The following DSCAM variants were observed in gnomAD, a reference collection of about 807,000 sequenced individuals.
The protein encoded by DSCAM is cell adhesion molecule DSCAM.
In DSCAM, 47 loss-of-function variants were observed where a neutral mutation model predicts 217.7. The ratio of observed to expected loss-of-function variants is 0.22; its 90% CI spans 0.17 to 0.28. The LOEUF is 0.28. Ranked by LOEUF, DSCAM falls within the 10% of genes least tolerant of loss-of-function variation. DSCAM has a pLI of 1.00. For missense variants in DSCAM, 2,080 were observed against 2,618.3 expected, an observed-to-expected ratio of 0.79 and a Z score of 4.49; for synonymous variants, 1,056 against 1,015.3, an observed-to-expected ratio of 1.04 and a Z score of -0.76.
rs58427418 is a variant in DSCAM at position 40,525,009 on chromosome 21, C to CAAAAAAAAAAAAAAA, written c.509-155779_509-155765dup. ...TGGGCAACAGAGTGAGACTCAGTCTCAAAAAAAAAAAAAAAAAAAAAATCC... is the reference window on the plus strand; with the variant it reads ...TGGGCAACAGAGTGAGACTCAGTCTCAAAAAAAAAAAAAAAAAAAAAAAAAAAAAAAAAAAAATCC... On this transcript the variant is annotated intron_variant, in intron 3 of 32. Coordinates refer to ENST00000400454, the MANE Select transcript of DSCAM (RefSeq NM_001389.5). Among the ~76,000 whole-genome samples the CAAAAAAAAAAAAAAA allele has an allele frequency of 6.7e-3, 373 of 56,016 alleles. 17 individuals are homozygous for CAAAAAAAAAAAAAAA. The highest frequency in any genetic ancestry group is 0.022 in the South Asian group (29 of 1,302). The allele number at this position is 56,016 out of a possible 152,430, so 36.7% of individuals were successfully genotyped here. A position where few individuals can be genotyped will look rare whatever the true frequency, so the allele number is the denominator to read the frequency against.
At chr21:40,602,314 G>T (rs1334738756) in intron 3 of DSCAM, among the ~76,000 whole-genome samples, 1 of 152,156 alleles carries the variant, frequency 6.6e-6, no homozygotes, top group Non-Finnish European at 1.5e-5. Context: ...GCCCGCTGCG[G>T]CTTCTCAAAG....
intron 11 of DSCAM, among the ~76,000 whole-genome samples, chr21:40,216,731 C>A (rs928174044): frequency 6.6e-6 from 1 of 152,208 alleles, no homozygotes; most frequent in Admixed American, 6.5e-5. Context: ...ACAGGTAACA[C>A]CCAGCAGTAA....
chr21:40,176,229 G>A (rs901371061), intron 15 of DSCAM, among the ~76,000 whole-genome samples: 14 of 152,156 alleles, frequency 9.2e-5, no homozygotes, highest in African/African-American at 3.4e-4. Flanking sequence ...AGGGGAAGAA[G>A]CACAACAATA....
intron 3 of DSCAM, among the ~76,000 whole-genome samples, chr21:40,609,390 G>C (rs2089283678): frequency 6.6e-6 from 1 of 152,190 alleles, no homozygotes; most frequent in African/African-American, 2.4e-5. Flanking sequence ...CATAAAATTT[G>C]TACTGGAGCA....
chr21:40,024,128 C>G lies in DSCAM; in HGVS notation c.5687-10742G>C, dbSNP rs2088329553. On this transcript the variant is annotated intron_variant, in intron 32 of 32. Transcript: ENST00000400454. ...CAGCACCATTTATTAAATAGGGAAT[C>G]CTTTCCCCATTGCTTGTTTTTTCTC... Among the ~76,000 whole-genome samples the G allele has an allele frequency of 2.7e-5, 2 of 73,826 alleles. 1 individual carries two copies. The highest frequency in any genetic ancestry group is 1.1e-4 in the African/African-American group (2 of 18,838). The allele number at this position is 73,826 out of a possible 152,430, so 48.4% of individuals were successfully genotyped here.
chr21:40,725,967 A>T (rs898673886), intron 1 of DSCAM, among the ~76,000 whole-genome samples: 5 of 152,338 alleles, frequency 3.3e-5, no homozygotes, highest in Admixed American at 2.6e-4. Flanking sequence ...TTGCAAACTC[A>T]GAAAGAACAT....
At chr21:40,132,086 TTC>T (rs1447625072) in intron 19 of DSCAM, among the ~76,000 whole-genome samples, 5 of 152,226 alleles carry the variant, frequency 3.3e-5, no homozygotes, top group African/African-American at 9.6e-5. Context: ...TAAATAATAA[TTC>T]CAGTGACATT....
At chr21:40,734,585 A>C (rs1191811542) in intron 1 of DSCAM, among the ~76,000 whole-genome samples, 1 of 152,212 alleles carries the variant, frequency 6.6e-6, no homozygotes, top group Non-Finnish European at 1.5e-5. Context: ...GGTGAGCCTC[A>C]ATCTGCTTCT....
At chr21:40,231,242 G>A (rs1041787530) in intron 11 of DSCAM, among the ~76,000 whole-genome samples, 64 of 151,666 alleles carry the variant, frequency 4.2e-4, no homozygotes, top group African/African-American at 1.5e-3. Context: ...GAAAGTGTGA[G>A]GACGACCCCA....
intron 1 of DSCAM, among the ~76,000 whole-genome samples, chr21:40,713,425 T>C (rs2090804918): frequency 6.6e-6 from 1 of 152,210 alleles, no homozygotes; most frequent in South Asian, 2.1e-4. Flanking sequence ...TAGACTTCTA[T>C]TTAGTAAAAC....
chr21:40,335,935 T>A (rs1361382013), intron 8 of DSCAM, among the ~76,000 whole-genome samples: 1 of 152,196 alleles, frequency 6.6e-6, no homozygotes, highest in Non-Finnish European at 1.5e-5. Flanking sequence ...ACTAACAGGA[T>A]GACTATTCAT....
At chr21:40,214,214 CCAGCCTG>C (rs1601447922) in intron 11 of DSCAM, among the ~76,000 whole-genome samples, 1 of 152,332 alleles carries the variant, frequency 6.6e-6, no homozygotes, top group East Asian at 1.9e-4. Flanking sequence ...TAGCTATCAG[CCAGCCTG>C]GCCACTTTGG....
chr21:40,246,534 CTA>C (rs1181941052), intron 11 of DSCAM, among the ~76,000 whole-genome samples: 1 of 149,856 alleles, frequency 6.7e-6, no homozygotes, highest in Non-Finnish European at 1.5e-5. Flanking sequence ...GAGAGAGACT[CTA>C]TATCAAAGAA....
intron 3 of DSCAM, among the ~76,000 whole-genome samples, chr21:40,485,442 C>T (rs2076019371): frequency 6.6e-6 from 1 of 151,596 alleles, no homozygotes; most frequent in African/African-American, 2.4e-5. Flanking sequence ...CGGGGTTTCA[C>T]CGTGTTAGCC....
rs535993467 is a variant in DSCAM, at chr21:40,531,930, C to T, written c.508+160880G>A. On this transcript the variant is annotated intron_variant, in intron 3 of 32. Coordinates refer to ENST00000400454, the MANE Select transcript of DSCAM (RefSeq NM_001389.5). ...AGGTGCTGGGCTTGGGGAGGACACACAGTGGGTCCAGCGACATGTGGGTGG... is the reference window on the plus strand; with the variant it reads ...AGGTGCTGGGCTTGGGGAGGACACATAGTGGGTCCAGCGACATGTGGGTGG... 4.6e-5 allele frequency among the ~76,000 whole-genome samples: 7 copies of T among 152,306 alleles called. No homozygotes were observed. The South Asian group carries it at 1.2e-3, about 27-fold the overall frequency.
chr21:40,195,881 G>T (rs754369066), intron 11 of DSCAM, among the ~76,000 whole-genome samples: 2 of 152,186 alleles, frequency 1.3e-5, no homozygotes, highest in Non-Finnish European at 2.9e-5. Flanking sequence ...CATACAGGAA[G>T]CCAATCAGCC....
At chr21:40,040,411 G>A (rs377292693) in intron 32 of DSCAM, among the ~76,000 whole-genome samples, 1 of 152,120 alleles carries the variant, frequency 6.6e-6, no homozygotes, top group East Asian at 1.9e-4. Context: ...TTATGTAAAG[G>A]CCTGCACAAA....
Position 40,369,220 on chromosome 21 carries a change from C to T in DSCAM, c.534G>A (p.Thr178=), listed in dbSNP as rs777304588. The part of the protein sequence containing the change: ...VSGSRFLITS[T]GALYIKDVQN... ...GTACATCTTTAATATACAAGGCTCC[C>T]GTGGATGTGATGAGAAATCTAGATC... The change falls in exon 4 of 33, where the codon ACG becomes ACA. Residue 178 remains threonine, a synonymous_variant. Transcript: ENST00000400454. 6 of 1,609,412 alleles carry T rather than the reference C, an allele frequency of 3.7e-6. No homozygotes were observed. Among genetic ancestry groups the T allele is most frequent in the Non-Finnish European group, 4.2e-6 (5 of 1,178,094 alleles).
intron 3 of DSCAM, among the ~76,000 whole-genome samples, chr21:40,478,420 G>C (rs181886181): frequency 5.0e-4 from 76 of 152,270 alleles, no homozygotes; most frequent in African/African-American, 1.8e-3. Context: ...TAGGCACAGA[G>C]CCAGCTTTTA....
Sources: gnomAD v4.1 joint callset for allele counts (sites outside exome capture counted in the v4.1 genomes callset) on GRCh38, gnomAD v4.1.1 for gene constraint, MANE v1.5 for transcripts, NCBI Gene and HGNC (gene_info 2026-07-23, HGNC 2026-07-21) for gene names.